The following SEPTIN9 variants were observed in gnomAD, a reference collection of about 807,000 sequenced individuals.
SEPTIN9 encodes septin 9, also known as septin-9.
In SEPTIN9, 13 loss-of-function variants were observed where a neutral mutation model predicts 56.6. The observed-to-expected ratio is 0.23, with a 90% confidence interval of 0.15 to 0.37. SEPTIN9 has a LOEUF of 0.37. Among genes scored for constraint, SEPTIN9 ranks in the 10% least tolerant of loss-of-function variants. The pLI, the probability that SEPTIN9 is intolerant of heterozygous loss-of-function variation, is 1.00. For missense variants in SEPTIN9, 650 were observed against 823.1 expected (o/e 0.79, Z 2.57); for synonymous variants, 332 against 334.1 (o/e 0.99, Z 0.07).
intron 10 of SEPTIN9, among the ~76,000 whole-genome samples, chr17:77,493,871 CA>C: frequency 6.7e-6 from 1 of 149,466 alleles, no homozygotes; most frequent in South Asian, 2.1e-4. Context: ...CTCCTGGGTT[CA>C]AGTAATTCTC....
At chr17:77,489,991 C>T (rs1003880978) in intron 7 of SEPTIN9, among the ~76,000 whole-genome samples, 3 of 152,202 alleles carry the variant, frequency 2.0e-5, no homozygotes, top group African/African-American at 4.8e-5. Context: ...GGCGGGCGGG[C>T]GGTCTGTGGC....
rs990712729 is a variant in SEPTIN9 at position 77,482,777 on chromosome 17, G to A, written c.913+442G>A. 8.9e-6 allele frequency: 5 copies of A among 563,354 alleles called. No individual in the cohort carries two copies. In the African/African-American group the frequency reaches 9.4e-5, roughly 11 times the overall value. 34.9% of individuals were successfully genotyped at this position (563,354 alleles called of 1,614,324 possible). ...GCTTCAGCTCTGCCCTGGAATTGGG[G>A]CCTCGTGGCTTCCACACCCCCTGGT... On this transcript the variant is annotated intron_variant, in intron 4 of 11. Coordinates refer to ENST00000427177, the MANE Select transcript of SEPTIN9 (RefSeq NM_001113491.2).
intron 6 of SEPTIN9, among the ~76,000 whole-genome samples, 173 bp from the exon 7 acceptor site, chr17:77,488,554 C>A (rs1185181768): frequency 6.6e-6 from 1 of 152,210 alleles, no homozygotes; most frequent in Non-Finnish European, 1.5e-5. Context: ...CCCGGGGAGG[C>A]TGGTTTGGGA....
intron 1 of SEPTIN9, among the ~76,000 whole-genome samples, chr17:77,302,473 T>A (rs747236555): frequency 6.6e-6 from 1 of 151,680 alleles, no homozygotes; most frequent in Non-Finnish European, 1.5e-5. Flanking sequence ...AGGTCAGGAG[T>A]TCGAGACCAG....
At chr17:77,396,128 C>A (rs1016864541) in intron 2 of SEPTIN9, among the ~76,000 whole-genome samples, 5 of 152,116 alleles carry the variant, frequency 3.3e-5, no homozygotes, top group Middle Eastern at 3.2e-3. Flanking sequence ...AGGTGGGAAC[C>A]TCCTGCTCTA....
Position 77,499,113 on chromosome 17 carries a change from G to A in SEPTIN9, c.*455G>A, listed in dbSNP as rs1468970864. 1 of 536,286 alleles carries A rather than the reference G, an allele frequency of 1.9e-6. No individual in the cohort carries two copies. Among genetic ancestry groups the A allele is most frequent in the African/African-American group, 1.9e-5 (1 of 53,964 alleles). The allele number at this position is 536,286 out of a possible 1,614,324, so 33.2% of individuals were successfully genotyped here. On this transcript the variant is annotated 3_prime_UTR_variant, in exon 12 of 12. Transcript: ENST00000427177. ...CCCCTGGAGTGTGTCAGAGCCCAGG[G>A]GAGAATGCAGCCCACCAGGAGCACC... is the stretch of plus-strand genomic sequence containing the variant.
intron 3 of SEPTIN9, among the ~76,000 whole-genome samples, chr17:77,408,329 T>C (rs1226757917): frequency 6.6e-6 from 1 of 152,088 alleles, no homozygotes; most frequent in Non-Finnish European, 1.5e-5. Flanking sequence ...CTTGTGAACA[T>C]GGATGTGAAA....
chr17:77,494,879 C>G (rs1019670372), intron 10 of SEPTIN9, among the ~76,000 whole-genome samples: 1 of 152,352 alleles, frequency 6.6e-6, no homozygotes, highest in Admixed American at 6.5e-5. Flanking sequence ...CCACCCCTGC[C>G]GGGCCCACCC....
Position 77,488,899 on chromosome 17 carries a change from G to A in SEPTIN9, c.1262+35G>A, listed in dbSNP as rs145774020. ...TGCAGTGTCGGCGTCCTCATGCCGG[G>A]TGCCCTGGGTTCCCTCTGTCCCCTG... On this transcript the variant is annotated intron_variant, in intron 7 of 11. Transcript: ENST00000427177. 2.1e-4 allele frequency: 333 copies of A among 1,610,020 alleles called. 3 individuals carry two copies. In the East Asian group the frequency reaches 7.4e-3, roughly 36 times the overall value.
At chr17:77,486,535 C>CGT (rs1555679145) in intron 4 of SEPTIN9, among the ~76,000 whole-genome samples, 31 of 120,406 alleles carry the variant, frequency 2.6e-4, no homozygotes, top group African/African-American at 1.2e-3. Flanking sequence ...CGCACGCGCG[C>CGT]GCGTGTTATA....
At chr17:77,392,919 C>T (rs1322925997) in intron 2 of SEPTIN9, among the ~76,000 whole-genome samples, 2 of 152,126 alleles carry the variant, frequency 1.3e-5, no homozygotes, top group African/African-American at 4.8e-5. Context: ...ATTTTTAAGC[C>T]TTTCCTTTTG....
intron 2 of SEPTIN9, among the ~76,000 whole-genome samples, chr17:77,338,463 G>A (rs1057411445): frequency 4.6e-5 from 7 of 152,020 alleles, no homozygotes; most frequent in African/African-American, 1.7e-4. Flanking sequence ...CTATTGCCCA[G>A]GCTGGAGTGC....
rs1042568047 is a variant in SEPTIN9 at position 77,451,521 on chromosome 17, C to A, written c.722-30623C>A. ...GCGTCCAGCGCAGCCCGACGTTCCGCTGCTGGGGTGAGTCCTGCTCCTTTG... is the reference window on the plus strand; with the variant it reads ...GCGTCCAGCGCAGCCCGACGTTCCGATGCTGGGGTGAGTCCTGCTCCTTTG... On this transcript the variant is annotated intron_variant, in intron 3 of 11. Coordinates refer to ENST00000427177, the MANE Select transcript of SEPTIN9 (RefSeq NM_001113491.2). The surrounding 1 kb of genome is among the most constrained non-coding windows in gnomAD (Gnocchi z 4.2). 1.3e-5 allele frequency: 13 copies of A among 985,816 alleles called. No individual in the cohort carries two copies. The South Asian group carries it at 6.1e-4, about 46-fold the overall frequency. 61.1% of individuals were successfully genotyped at this position (985,816 alleles called of 1,614,324 possible).
Position 77,485,016 on chromosome 17 carries a change from T to C in SEPTIN9, c.914-2408T>C, listed in dbSNP as rs889439308. Among the ~76,000 whole-genome samples the C allele has an allele frequency of 1.2e-3, 124 of 101,592 alleles. 5 individuals are homozygous for C. The highest frequency in any genetic ancestry group is 1.6e-3 in the Non-Finnish European group (76 of 48,744). The allele number at this position is 101,592 out of a possible 152,430, so 66.6% of individuals were successfully genotyped here. A position where few individuals can be genotyped will look rare whatever the true frequency, so the allele number is the denominator to read the frequency against. On this transcript the variant is annotated intron_variant, in intron 4 of 11. Transcript: ENST00000427177. ...ATGGTGGTGAAGGGGGTGATGGTGGTGATTGTGATGGTGGTGAAGGGGGTG... is the reference window on the plus strand; with the variant it reads ...ATGGTGGTGAAGGGGGTGATGGTGGCGATTGTGATGGTGGTGAAGGGGGTG...
At chr17:77,469,979 C>A (rs1260251942) in intron 3 of SEPTIN9, among the ~76,000 whole-genome samples, 1 of 150,830 alleles carries the variant, frequency 6.6e-6, no homozygotes, top group Non-Finnish European at 1.5e-5. Context: ...ACTCATCCAC[C>A]CATCCACCCA....
Position 77,479,387 on chromosome 17 carries a change from G to A in SEPTIN9, c.722-2757G>A, listed in dbSNP as rs9906082. On this transcript the variant is annotated intron_variant, in intron 3 of 11. Transcript: ENST00000427177. ...GAAGGCAGACCCCAAAGCTCACCTG[G>A]CCAGGTAGGAGAGCGAGGCGGGCTC... 5.7e-3 allele frequency among the ~76,000 whole-genome samples: 872 copies of A among 152,304 alleles called. 8 individuals carry two copies. The highest frequency in any genetic ancestry group is 0.018 in the African/African-American group (762 of 41,548).
chr17:77,409,733 T>TGCCGGGATTGG (rs1360749607), intron 3 of SEPTIN9, among the ~76,000 whole-genome samples: 1 of 152,214 alleles, frequency 6.6e-6, no homozygotes, highest in Non-Finnish European at 1.5e-5. Context: ...CCGGGACAGC[T>TGCCGGGATTGG]GCCGGGATTG....
In SEPTIN9 at chr17:77,400,213, G is replaced by A. The variant is rs2035855334; in HGVS notation, c.77-1846G>A. On this transcript the variant is annotated intron_variant, in intron 2 of 11. Coordinates refer to ENST00000427177, the MANE Select transcript of SEPTIN9 (RefSeq NM_001113491.2). This position sits in a 1 kb window ranked among gnomAD's most constrained non-coding sequence, Gnocchi z 4.1. ...CTGCTCAGTGTTTTAAAAAGGGCTT[G>A]TTTTGCTTTGTGCCAGCATTTAAAG... is the stretch of plus-strand genomic sequence containing the variant. Among the ~76,000 whole-genome samples the A allele has an allele frequency of 6.6e-6, 1 of 152,124 alleles. No individual in the cohort carries two copies. Among genetic ancestry groups the A allele is most frequent in the Non-Finnish European group, 1.5e-5 (1 of 68,022 alleles).
chr17:77,467,158 C>T (rs1289146455), intron 3 of SEPTIN9, among the ~76,000 whole-genome samples: 1 of 152,240 alleles, frequency 6.6e-6, no homozygotes, highest in Non-Finnish European at 1.5e-5. Flanking sequence ...CATCCTTGGG[C>T]CGCGAGACGT....
Sources: gnomAD v4.1 joint callset for allele counts (sites outside exome capture counted in the v4.1 genomes callset) on GRCh38, gnomAD v4.1.1 for gene constraint, Gnocchi (gnomAD v3.1) non-coding constraint, MANE v1.5 for transcripts, NCBI Gene and HGNC (gene_info 2026-07-23, HGNC 2026-07-21) for gene names.